MED16: variants seen among roughly 807,000 people sequenced by gnomAD.
The protein encoded by MED16 is mediator complex subunit 16, also known as mediator of RNA polymerase II transcription subunit 16.
In MED16, 81 loss-of-function variants were observed where a neutral mutation model predicts 84.4. The ratio of observed to expected loss-of-function variants is 0.96; its 90% confidence interval spans 0.80 to 1.15. MED16 has a LOEUF of 1.15. Among genes scored for constraint, MED16 ranks in the 50% most tolerant of loss-of-function variants. The pLI, the probability that MED16 is intolerant of heterozygous loss-of-function variation, is 0.00. For missense variants in MED16, 1,585 were observed against 1,245.9 expected, an observed-to-expected ratio of 1.27 and a Z score of -4.10; for synonymous variants, 897 against 552.2, an observed-to-expected ratio of 1.62 and a Z score of -8.76.
intron 1 of MED16, chr19:892,451 G>A (rs1408562777): frequency 6.5e-6 from 1 of 154,474 alleles, no homozygotes; most frequent in Non-Finnish European, 1.4e-5. Context: ...CCAGTCCCCA[G>A]ACTCCACCCC....
intron 8 of MED16, among the ~76,000 whole-genome samples, chr19:878,539 G>A (rs1194648272): frequency 2.8e-4 from 32 of 113,484 alleles, no homozygotes; most frequent in African/African-American, 1.1e-3. Context: ...ACCTTCCCGT[G>A]GTTGTCAATG....
chr19:876,893 C>CGGGGCCCCACCTGCCACG (rs2036249085), intron 9 of MED16, 81 bp downstream of exon 9: 23 of 1,357,918 alleles, frequency 1.7e-5, no homozygotes, highest in South Asian at 2.8e-5. Flanking sequence ...CCACCTGCCA[C>CGGGGCCCCACCTGCCACG]GGGGCCCCAC....
At chr19:880,557 G>C (rs2036399059) in intron 7 of MED16, among the ~76,000 whole-genome samples, 1 of 152,186 alleles carries the variant, frequency 6.6e-6, no homozygotes, top group African/African-American at 2.4e-5. Context: ...TTGTACGAGG[G>C]CCGGGGGGAG....
rs890117832 is a variant in MED16 at position 867,973 on chromosome 19, G to A, written c.*128C>T. ...GCAGGGACGCGGGCCTGGGCGCAGAGGGCGTTTATTGGACCTGTCCTTCCC... is the reference window on the plus strand; with the variant it reads ...GCAGGGACGCGGGCCTGGGCGCAGAAGGCGTTTATTGGACCTGTCCTTCCC... On this transcript the variant is annotated 3_prime_UTR_variant, in exon 16 of 16. Coordinates refer to ENST00000325464, the MANE Select transcript of MED16 (RefSeq NM_005481.3). 2.4e-6 allele frequency: 3 copies of A among 1,272,186 alleles called. No individual in the cohort carries two copies. The highest frequency in any genetic ancestry group is 3.2e-6 in the Non-Finnish European group (3 of 943,744). 78.8% of individuals were successfully genotyped at this position (1,272,186 alleles called of 1,614,324 possible).
chr19:868,305 G>C (rs2035964021), intron 15 of MED16, 54 bp from the exon 16 acceptor site: 2 of 1,587,552 alleles, frequency 1.3e-6, no homozygotes, highest in Admixed American at 1.8e-5. Flanking sequence ...GCGAGCGGTG[G>C]CTCTTGCAGC....
intron 5 of MED16, 94 bp from the exon 6 acceptor site, chr19:885,102 C>G: frequency 1.1e-6 from 1 of 905,736 alleles, no homozygotes; most frequent in Non-Finnish European, 1.7e-6. Flanking sequence ...GGGCCACGCA[C>G]TGCTGGGCCT....
In MED16 at chr19:890,982, G is replaced by C; in HGVS notation, c.150C>G (p.Asp50Glu). Reference sequence around the variant, plus strand: ...ACGCACCCTGGTCATCGCTGCGCAGGTCCATGGTGAAGGCGATGAGATTTC... The same window carrying C: ...ACGCACCCTGGTCATCGCTGCGCAGCTCCATGGTGAAGGCGATGAGATTTC... ...SCRNLIAFTM[D>E]LRSDDQDLTR... The change falls in exon 2 of 16, where the codon GAC becomes GAG. Residue 50 changes from aspartate to glutamate, a missense_variant. Transcript: ENST00000325464. 6.2e-7 allele frequency: 1 copy of C among 1,613,892 alleles called. No individual in the cohort carries two copies. Among genetic ancestry groups the C allele is most frequent in the Non-Finnish European group, 8.5e-7 (1 of 1,179,966 alleles).
chr19:868,951 C>T lies in MED16; in HGVS notation c.2316-5G>A, dbSNP rs553168319. 38 of 1,534,590 alleles carry T rather than the reference C, an allele frequency of 2.5e-5. No homozygotes were observed. Among genetic ancestry groups the T allele is most frequent in the East Asian group, 1.4e-4 (6 of 41,598 alleles). On this transcript the variant is annotated splice_polypyrimidine_tract_variant and splice_region_variant and intron_variant, in intron 13 of 15. Coordinates refer to ENST00000325464, the MANE Select transcript of MED16 (RefSeq NM_005481.3). The stretch of plus-strand genomic sequence containing the variant: ...ATCTTGGGCTGGCCTGGGGCCCTGG[C>T]GGGAGAGGGGAGAACGTGAGGGAGG...
Position 868,486 on chromosome 19 carries a change from T to C in MED16, c.2413A>G (p.Thr805Ala). 5 of 1,610,726 alleles carry C rather than the reference T, an allele frequency of 3.1e-6. No individual in the cohort carries two copies. The highest frequency in any genetic ancestry group is 4.2e-6 in the Non-Finnish European group (5 of 1,179,858). ...GTTCTGTTGGGCGACTTGAGCATGGTGACACAGCCGCACCTGCGGGGAGGC... is the reference window on the plus strand; with the variant it reads ...GTTCTGTTGGGCGACTTGAGCATGGCGACACAGCCGCACCTGCGGGGAGGC... Reference protein sequence around the residue: ...CKACTRCGCVTMLKSPNRTTA... With the variant: ...CKACTRCGCVAMLKSPNRTTA... Residue 805 changes from threonine (T) to alanine (A), a missense_variant, in exon 15 of 16, where the codon ACC becomes GCC. Thr to Ala is a moderately conservative substitution (Grantham distance 58). Coordinates refer to ENST00000325464, the MANE Select transcript of MED16 (RefSeq NM_005481.3).
intron 10 of MED16, among the ~76,000 whole-genome samples, chr19:874,680 C>T (rs923898450): frequency 6.6e-6 from 1 of 152,184 alleles, no homozygotes; most frequent in African/African-American, 2.4e-5. Flanking sequence ...GTGGTCAAGA[C>T]CAGCCTGGGC....
intron 8 of MED16, among the ~76,000 whole-genome samples, chr19:879,407 C>G (rs1313089478): frequency 1.6e-3 from 211 of 130,126 alleles, no homozygotes; most frequent in African/African-American, 2.7e-3. Flanking sequence ...TCACCTTTCC[C>G]TGGTTGTCAA....
chr19:875,373 G>C lies in MED16; in HGVS notation c.1642C>G (p.His548Asp). The C allele has an allele frequency of 5.6e-6, 9 of 1,609,816 alleles. No individual in the cohort carries two copies. Among genetic ancestry groups the C allele is most frequent in the Non-Finnish European group, 5.9e-6 (7 of 1,179,756 alleles). ...PCTVTRVCDY[H>D]TKLFLIAISS... The stretch of plus-strand genomic sequence containing the variant: ...ATGGCGATGAGGAAGAGCTTGGTGT[G>C]GTAGTCGCACACGCGGGTCACCGTG... Residue 548 changes from histidine to aspartate, a missense_variant, in exon 10 of 16, where the codon CAC becomes GAC. Transcript: ENST00000325464.
Position 884,172 on chromosome 19 carries a change from A to G in MED16, c.985+731T>C, listed in dbSNP as rs369569324. ...TCGGCAAATGCCTGTGCTCTCATCT[A>G]CCGGGAAAACATCTCCCTTCTCCAG... On this transcript the variant is annotated intron_variant, in intron 6 of 15. Transcript: ENST00000325464. Among the ~76,000 whole-genome samples the G allele has an allele frequency of 3.2e-4, 49 of 152,210 alleles. No homozygotes were observed. In the South Asian group the frequency reaches 6.6e-3, roughly 21 times the overall value.
At chr19:872,557 A>C (rs913606556) in intron 11 of MED16, among the ~76,000 whole-genome samples, 1 of 147,416 alleles carries the variant, frequency 6.8e-6, no homozygotes, top group Non-Finnish European at 1.5e-5. Flanking sequence ...ACCGTCCGTG[A>C]TGGGCGCGGT....
In MED16 at chr19:871,270, C is replaced by T. The variant is rs921432429; in HGVS notation, c.2099-17G>A. 9.2e-6 allele frequency: 14 copies of T among 1,525,386 alleles called. No homozygotes were observed. Among genetic ancestry groups the T allele is most frequent in the African/African-American group, 5.5e-5 (4 of 72,694 alleles). The allele number at this position is 1,525,386 out of a possible 1,614,324, so 94.5% of individuals were successfully genotyped here. ...CATCGCGACCTGCGGAGAGAGGTGG[C>T]GGAAGTCTCAGCACCCCTGACTGGG... On this transcript the variant is annotated splice_polypyrimidine_tract_variant and intron_variant, in intron 12 of 15. Transcript: ENST00000325464.
At chr19:876,895 G>A (rs892975155) in intron 9 of MED16, 79 bp downstream of exon 9, 2 of 1,441,674 alleles carry the variant, frequency 1.4e-6, no homozygotes, top group East Asian at 2.5e-5. Flanking sequence ...ACCTGCCACG[G>A]GGCCCCACCT....
chr19:886,723 G>T (rs2036534181), intron 4 of MED16, among the ~76,000 whole-genome samples: 1 of 152,248 alleles, frequency 6.6e-6, no homozygotes, highest in South Asian at 2.1e-4. Flanking sequence ...AATCAAATTT[G>T]TCAAGTCATT....
chr19:884,360 G>A (rs2036482172), intron 6 of MED16, among the ~76,000 whole-genome samples: 1 of 152,100 alleles, frequency 6.6e-6, no homozygotes, highest in Non-Finnish European at 1.5e-5. Context: ...TGGGTGCGGG[G>A]GGCCCATCGG....
chr19:871,588 G>C (rs368706996), intron 12 of MED16: 27 of 1,595,856 alleles, frequency 1.7e-5, no homozygotes, highest in African/African-American at 2.7e-5. Context: ...CCGACAAGGA[G>C]AGACAGCAAA....
Sources: allele counts gnomAD v4.1 joint callset (sites outside exome capture counted in the v4.1 genomes callset), GRCh38; gene constraint gnomAD v4.1.1; transcripts MANE v1.5; gene names NCBI Gene and HGNC (gene_info 2026-07-23, HGNC 2026-07-21).